Variants in CLU observed in about 807,000 individuals in gnomAD.
CLU encodes aging-associated protein 4.
In CLU, 25 loss-of-function variants were observed where a neutral mutation model predicts 46.4. That is an observed-to-expected ratio of 0.54 (90% confidence interval 0.39 to 0.75). The LOEUF is 0.75. CLU is among the 30% of genes least tolerant of loss of function. The probability of loss-of-function intolerance (pLI) is 0.00; values close to 1 mark genes in which losing one functional copy is unlikely to be tolerated. For missense variants in CLU, 504 were observed against 592.1 expected, an observed-to-expected ratio of 0.85 and a Z score of 1.54; for synonymous variants, 235 against 235.1, an observed-to-expected ratio of 1.00 and a Z score of 0.00.
chr8:27,606,343 C>T lies in CLU; in HGVS notation c.417+11G>A. ...CTCAGAGCCTTGGCCACTCATGTGT[C>T]CCCTTTTCACCTGGCGGCCAACCAG... is the stretch of plus-strand genomic sequence containing the variant. On this transcript the variant is annotated intron_variant, in intron 4 of 8. Coordinates refer to ENST00000316403, the MANE Select transcript of CLU (RefSeq NM_001831.4). 2 of 1,613,756 alleles carry T rather than the reference C, an allele frequency of 1.2e-6. No individual in the cohort carries two copies. The highest frequency in any genetic ancestry group is 1.7e-6 in the Non-Finnish European group (2 of 1,179,974).
In CLU at chr8:27,606,476, G is replaced by T. The variant is rs772883860; in HGVS notation, c.295C>A (p.Pro99Thr). Residue 99 changes from proline to threonine, a missense_variant, in exon 4 of 9, where the codon CCA becomes ACA. By Grantham distance (38) the Pro-to-Thr change is conservative (BLOSUM62 -1). This residue lies in a region of CLU where 428 missense variants were observed against 484.0 expected (regional missense o/e 0.88). Coordinates refer to ENST00000316403, the MANE Select transcript of CLU (RefSeq NM_001831.4). Reference protein sequence around the residue: ...RESETKLKELPGVCNETMMAL... With the variant: ...RESETKLKELTGVCNETMMAL... ...ATCATGGTCTCATTGCACACTCCTGGGAGCTCCTTCAGCTTTGTCTCTGAT... is the reference window on the plus strand; with the variant it reads ...ATCATGGTCTCATTGCACACTCCTGTGAGCTCCTTCAGCTTTGTCTCTGAT... The T allele has an allele frequency of 6.2e-7, 1 of 1,614,206 alleles. No homozygotes were observed. The highest frequency in any genetic ancestry group is 1.1e-5 in the South Asian group (1 of 91,086).
chr8:27,601,251 A>C (rs1585251728), intron 6 of CLU, among the ~76,000 whole-genome samples: 1 of 152,168 alleles, frequency 6.6e-6, no homozygotes, highest in African/African-American at 2.4e-5. Context: ...GGGTTTCACC[A>C]TGTTGGCTAG....
At chr8:27,603,014 G>A (rs771915149) in intron 6 of CLU, among the ~76,000 whole-genome samples, 22 of 152,250 alleles carry the variant, frequency 1.4e-4, no homozygotes, top group Middle Eastern at 6.8e-3. Context: ...GCAGTGAGCC[G>A]AGATAGAGCC....
chr8:27,607,238 G>A (rs1019431970), intron 3 of CLU, among the ~76,000 whole-genome samples: 3 of 152,154 alleles, frequency 2.0e-5, no homozygotes, highest in African/African-American at 7.2e-5. Context: ...TTGGGATGCT[G>A]AGGCAGGAGA....
chr8:27,614,334 C>T (rs1213104454), intron 1 of CLU: 1 of 208,886 alleles, frequency 4.8e-6, no homozygotes, highest in East Asian at 1.8e-4. Context: ...CTGGGTCTCC[C>T]GCAACGCGGC....
rs1425975579 is a variant in CLU, at chr8:27,597,974, A to G, written c.*267T>C. The G allele has an allele frequency of 4.5e-6, 3 of 660,614 alleles. No individual in the cohort carries two copies. Among genetic ancestry groups the G allele is most frequent in the African/African-American group, 3.6e-5 (2 of 56,160 alleles). 40.9% of individuals were successfully genotyped at this position (660,614 alleles called of 1,614,324 possible). ...ATGCCGGGAAGCAGCAACTCAACATAAAAAGAGGACCCTCCAAGCGATCAG... is the reference window on the plus strand; with the variant it reads ...ATGCCGGGAAGCAGCAACTCAACATGAAAAGAGGACCCTCCAAGCGATCAG... On this transcript the variant is annotated 3_prime_UTR_variant, in exon 9 of 9. Transcript: ENST00000316403.
rs367878901 is a variant in CLU at position 27,601,178 on chromosome 8, A to AG, written c.935-1170dup. 3.2e-3 allele frequency among the ~76,000 whole-genome samples: 488 copies of AG among 152,286 alleles called. 3 individuals are homozygous for AG. The highest frequency in any genetic ancestry group is 0.011 in the African/African-American group (463 of 41,552). On this transcript the variant is annotated intron_variant, in intron 6 of 8. Coordinates refer to ENST00000316403, the MANE Select transcript of CLU (RefSeq NM_001831.4). ...ATTCTCCTGCCTCAGCCTCCAGAGT[A>AG]GTTGGGATTACAGGTGCCTGCCACC...
intron 6 of CLU, among the ~76,000 whole-genome samples, chr8:27,600,961 G>T (rs1800710182): frequency 1.3e-5 from 2 of 152,320 alleles, no homozygotes; most frequent in Admixed American, 6.5e-5. Flanking sequence ...TAGAATAAAT[G>T]ATCTCTGGGC....
rs764767553 is a variant in CLU at position 27,599,748 on chromosome 8, G to A, written c.1164+32C>T. 12 of 1,526,518 alleles carry A rather than the reference G, an allele frequency of 7.9e-6. No homozygotes were observed. In the Admixed American group the frequency reaches 9.1e-5, roughly 12 times the overall value. The allele number at this position is 1,526,518 out of a possible 1,614,324, so 94.6% of individuals were successfully genotyped here. On this transcript the variant is annotated intron_variant, in intron 7 of 8. Transcript: ENST00000316403. The surrounding 1 kb of genome is among the most constrained non-coding windows in gnomAD (Gnocchi z 4.0). ...GCTCCCGATCACAGCTCGGGCTCCC[G>A]AGCCACAGCATGTGGCCGGGACACA...
intron 1 of CLU, among the ~76,000 whole-genome samples, chr8:27,613,245 G>T (rs1800960693): frequency 6.6e-6 from 1 of 152,108 alleles, no homozygotes; most frequent in Admixed American, 6.5e-5. Context: ...AAATTAGCCG[G>T]ATGTAGCAGC....
chr8:27,607,949 A>G (rs986168607), intron 3 of CLU, among the ~76,000 whole-genome samples: 1 of 152,172 alleles, frequency 6.6e-6, no homozygotes, highest in African/African-American at 2.4e-5. Flanking sequence ...CTCCAAATGT[A>G]TGTGATGTGC....
rs1263042524 is a variant in CLU at position 27,605,075 on chromosome 8, G to T, written c.678C>A (p.Val226=). Residue 226 remains valine, a synonymous_variant, in exon 5 of 9, where the codon GTC becomes GTA. Coordinates refer to ENST00000316403, the MANE Select transcript of CLU (RefSeq NM_001831.4). ...ACGGAGAGAAGGGCATCAAGCTGCG[G>T]ACGATGCGGGACTTGGGAAAGAAGA... ...PHFFFPKSRI[V]RSLMPFSPYE... 6.2e-7 allele frequency: 1 copy of T among 1,614,166 alleles called. No individual in the cohort carries two copies. The highest frequency in any genetic ancestry group is 8.5e-7 in the Non-Finnish European group (1 of 1,180,040).
chr8:27,599,851 G>T lies in CLU; in HGVS notation c.1093C>A (p.Gln365Lys). ...GCCAGCCGGGACACCCAGTTAAACT[G>T]CTCGTTCAGCTGCTCCAGCAAGGAG... Reference protein sequence around the residue: ...TSSLLEQLNEQFNWVSRLANL... With the variant: ...TSSLLEQLNEKFNWVSRLANL... The change falls in exon 7 of 9, where the codon CAG becomes AAG. Residue 365 changes from glutamine (Q) to lysine (K), a missense_variant. Physicochemically the swap from Gln to Lys is moderately conservative, Grantham distance 53 (BLOSUM62 1). Coordinates refer to ENST00000316403, the MANE Select transcript of CLU (RefSeq NM_001831.4). This position sits in a 1 kb window ranked among gnomAD's most constrained non-coding sequence, Gnocchi z 4.0. 1 of 1,614,140 alleles carries T rather than the reference G, an allele frequency of 6.2e-7. No individual in the cohort carries two copies. The highest frequency in any genetic ancestry group is 1.1e-5 in the South Asian group (1 of 91,068).
intron 4 of CLU, among the ~76,000 whole-genome samples, chr8:27,605,946 G>T (rs544856380): frequency 4.4e-4 from 67 of 152,036 alleles, no homozygotes; most frequent in Non-Finnish European, 8.5e-4. Flanking sequence ...AGGCTGAGGT[G>T]GGAGGATCAC....
intron 1 of CLU, among the ~76,000 whole-genome samples, chr8:27,612,727 C>G (rs73679248): frequency 1.3e-5 from 2 of 151,886 alleles, no homozygotes; most frequent in African/African-American, 4.8e-5. Flanking sequence ...TTCCTTTGCT[C>G]GGACTCACCT....
At position 27,609,119 on chromosome 8, in the gene CLU, G is replaced by A. The variant is rs571032481; in HGVS notation, c.98-33C>T. 261 of 1,610,968 alleles carry A rather than the reference G, an allele frequency of 1.6e-4. 2 individuals are homozygous for A. The South Asian group carries it at 2.4e-3, about 15-fold the overall frequency. On this transcript the variant is annotated intron_variant, in intron 2 of 8. Transcript: ENST00000316403. ...AGAAGTGCAAGAGGCAGAATGAGGC[G>A]AGAGGAAGAGGTGGCCTCAGGACCC...
At chr8:27,614,332 C>G in intron 1 of CLU, 1 of 209,944 alleles carries the variant, frequency 4.8e-6, no homozygotes, top group South Asian at 6.6e-5. Context: ...GCCTGGGTCT[C>G]CCGCAACGCG....
chr8:27,598,428 T>C (rs1239779844), intron 8 of CLU, 32 bp downstream of exon 8: 1 of 1,612,756 alleles, frequency 6.2e-7, no homozygotes, highest in African/African-American at 1.3e-5. Flanking sequence ...CACTGGGCCC[T>C]GCAGGCCCGC....
At chr8:27,604,647 A>G (rs1445016209) in intron 5 of CLU, among the ~76,000 whole-genome samples, 1 of 151,650 alleles carries the variant, frequency 6.6e-6, no homozygotes, top group Non-Finnish European at 1.5e-5. Context: ...TAATTTTTTA[A>G]GTTTTTATTT....
Sources: gnomAD v4.1 joint callset for allele counts (sites outside exome capture counted in the v4.1 genomes callset) on GRCh38, gnomAD v4.1.1 for gene constraint, gnomAD v4.1.1 regional missense constraint, Gnocchi (gnomAD v3.1) non-coding constraint, MANE v1.5 for transcripts, NCBI Gene and HGNC (gene_info 2026-07-23, HGNC 2026-07-21) for gene names.